Variants in KIAA0319L observed in about 807,000 individuals in gnomAD.
The protein encoded by KIAA0319L is dyslexia-associated protein KIAA0319-like protein.
Under a neutral mutation model 120.1 loss-of-function variants are expected in KIAA0319L, and 55 were observed. The observed-to-expected ratio is 0.46, with a 90% confidence interval of 0.37 to 0.57. The LOEUF is 0.57. Among genes scored for constraint, KIAA0319L ranks in the 20% least tolerant of loss-of-function variants. KIAA0319L has a pLI of 0.00. For synonymous variants in KIAA0319L, 398 were observed against 471.9 expected (o/e 0.84, Z 2.03); for missense variants, 1,049 against 1,255.3 (o/e 0.84, Z 2.48).
At chr1:35,477,518 T>G (rs998785599) in intron 4 of KIAA0319L, among the ~76,000 whole-genome samples, 13 of 151,802 alleles carry the variant, frequency 8.6e-5, no homozygotes, top group Admixed American at 8.5e-4. Flanking sequence ...ATACAAAAAA[T>G]TAGCTGGGCG....
rs751315305 is a variant in KIAA0319L, at chr1:35,448,154, C to T, written c.2513+19G>A. The T allele has an allele frequency of 3.2e-6, 5 of 1,565,788 alleles. No individual in the cohort carries two copies. Among genetic ancestry groups the T allele is most frequent in the Admixed American group, 1.9e-5 (1 of 53,980 alleles). ...GCCCCTGGTCTTTCCTTTGCTCCCC[C>T]CATTCATTGCCCAGCTACCTCTGCT... On this transcript the variant is annotated intron_variant, in intron 16 of 20. Transcript: ENST00000325722.
intron 2 of KIAA0319L, among the ~76,000 whole-genome samples, chr1:35,535,581 T>G (rs1646543185): frequency 6.6e-6 from 1 of 152,156 alleles, no homozygotes; most frequent in Non-Finnish European, 1.5e-5. Context: ...CCCTACAGAG[T>G]TATTAAAGAT....
chr1:35,513,288 A>ATTTTTTTTTT (rs67198806), intron 2 of KIAA0319L, among the ~76,000 whole-genome samples: 1 of 85,338 alleles, frequency 1.2e-5, no homozygotes, highest in African/African-American at 4.3e-5. Flanking sequence ...ATATATATAT[A>ATTTTTTTTTT]TTTTTTTTTT....
At chr1:35,554,600 G>T in intron 1 of KIAA0319L, 81 bp from the exon 2 acceptor site, 2 of 1,043,780 alleles carry the variant, frequency 1.9e-6, no homozygotes, top group Non-Finnish European at 2.7e-6. Context: ...TAGAAAATAT[G>T]ACAGATTAGG....
chr1:35,479,306 GA>G (rs1255457429), intron 3 of KIAA0319L, 94 bp from the exon 4 acceptor site: 2 of 1,011,802 alleles, frequency 2.0e-6, no homozygotes, highest in Non-Finnish European at 2.9e-6. Flanking sequence ...ATGTTCTCTT[GA>G]AAAATGCAAA....
chr1:35,502,867 T>A (rs1342881515), intron 3 of KIAA0319L, among the ~76,000 whole-genome samples: 1 of 152,232 alleles, frequency 6.6e-6, no homozygotes, highest in African/African-American at 2.4e-5. Flanking sequence ...TTTCCTTCTG[T>A]ACAAACTACC....
rs748221769 is a variant in KIAA0319L, at chr1:35,453,556, C to T, written c.1913+1G>A. On this transcript the variant is annotated splice_donor_variant, in intron 12 of 20. Transcript: ENST00000325722. LOFTEE classifies it high-confidence loss of function. This position sits in a 1 kb window ranked among gnomAD's most constrained non-coding sequence, Gnocchi z 4.1. ...AATAAGGATTTTGTGTCAATACTCA[C>T]TGTGTTTTTTCCCAGAGATATGAGA... 6.2e-7 allele frequency: 1 copy of T among 1,614,044 alleles called. No homozygotes were observed. The highest frequency in any genetic ancestry group is 1.1e-5 in the South Asian group (1 of 91,062).
rs547800531 is a variant in KIAA0319L at position 35,504,434 on chromosome 1, G to A, written c.666+2178C>T. Among the ~76,000 whole-genome samples the A allele has an allele frequency of 2.0e-5, 3 of 152,302 alleles. No homozygotes were observed. The South Asian group carries it at 6.2e-4, about 32-fold the overall frequency. Reference sequence around the variant, plus strand: ...AATGGTCTCGATCTCCTGACCTTGTGATCCGCCCGCCTTGGCCTCCCAAAG... The same window carrying A: ...AATGGTCTCGATCTCCTGACCTTGTAATCCGCCCGCCTTGGCCTCCCAAAG... On this transcript the variant is annotated intron_variant, in intron 3 of 20. Coordinates refer to ENST00000325722, the MANE Select transcript of KIAA0319L (RefSeq NM_024874.5).
intron 2 of KIAA0319L, among the ~76,000 whole-genome samples, chr1:35,547,615 C>T (rs978068421): frequency 6.6e-6 from 1 of 152,086 alleles, no homozygotes; most frequent in African/African-American, 2.4e-5. Flanking sequence ...AAATATTATG[C>T]TAAATGAAAT....
intron 3 of KIAA0319L, among the ~76,000 whole-genome samples, chr1:35,499,507 G>A (rs998853812): frequency 6.6e-6 from 1 of 152,136 alleles, no homozygotes; most frequent in Non-Finnish European, 1.5e-5. Context: ...CCAGAACAGT[G>A]AGAAATAAAT....
rs374864740 is a variant in KIAA0319L, at chr1:35,457,958, C to T, written c.1428-1717G>A. On this transcript the variant is annotated intron_variant, in intron 9 of 20. Transcript: ENST00000325722. ...TTTTTGTTTTGTTTTTTTTCTGAGA[C>T]GGAGTCTCGCTCTGTCGCCCAGGCT... 3.5e-3 allele frequency among the ~76,000 whole-genome samples: 531 copies of T among 152,178 alleles called. 2 individuals are homozygous for T. The highest frequency in any genetic ancestry group is 4.8e-3 in the Non-Finnish European group (326 of 68,004).
intron 3 of KIAA0319L, among the ~76,000 whole-genome samples, chr1:35,490,864 G>A (rs1411511528): frequency 6.6e-6 from 1 of 152,158 alleles, no homozygotes; most frequent in East Asian, 1.9e-4. Context: ...GAGTTCTCAT[G>A]AGATCTGATG....
At chr1:35,494,454 A>G (rs1394807830) in intron 3 of KIAA0319L, among the ~76,000 whole-genome samples, 1 of 152,066 alleles carries the variant, frequency 6.6e-6, no homozygotes, top group Non-Finnish European at 1.5e-5. Flanking sequence ...GTCTCAAAAA[A>G]TAAATAAATA....
intron 3 of KIAA0319L, among the ~76,000 whole-genome samples, chr1:35,488,327 T>G (rs1210362414): frequency 6.6e-6 from 1 of 152,186 alleles, no homozygotes; most frequent in Non-Finnish European, 1.5e-5. Flanking sequence ...TTTTAAAATA[T>G]TAAGAATCTA....
intron 20 of KIAA0319L, 41 bp downstream of exon 20, chr1:35,441,006 G>T (rs763833992): frequency 6.8e-7 from 1 of 1,464,442 alleles, no homozygotes; most frequent in South Asian, 1.1e-5. Context: ...TCCACAGAGA[G>T]AGTGCACAGA....
chr1:35,513,971 C>T (rs1378644946), intron 2 of KIAA0319L, among the ~76,000 whole-genome samples: 1 of 152,120 alleles, frequency 6.6e-6, no homozygotes, highest in East Asian at 1.9e-4. Context: ...TAGTTCAATT[C>T]CCATCTAGAG....
chr1:35,463,896 T>C (rs1444390096), intron 7 of KIAA0319L, among the ~76,000 whole-genome samples: 1 of 152,124 alleles, frequency 6.6e-6, no homozygotes, highest in Non-Finnish European at 1.5e-5. Context: ...CAAGATCTGA[T>C]GGTGTTAAAA....
intron 4 of KIAA0319L, 23 bp downstream of exon 4, chr1:35,478,943 T>C: frequency 6.2e-7 from 1 of 1,608,560 alleles, no homozygotes; most frequent in Non-Finnish European, 8.5e-7. Context: ...TTTCCTTCTA[T>C]CTCCAAGAGC....
intron 3 of KIAA0319L, among the ~76,000 whole-genome samples, chr1:35,492,306 G>A (rs1644626398): frequency 6.6e-6 from 1 of 151,964 alleles, no homozygotes; most frequent in Non-Finnish European, 1.5e-5. Flanking sequence ...ACAAGGTCAG[G>A]AGTTCAAGAC....
Sources: allele counts gnomAD v4.1 joint callset (sites outside exome capture counted in the v4.1 genomes callset), GRCh38; gene constraint gnomAD v4.1.1; non-coding constraint Gnocchi (gnomAD v3.1); transcripts MANE v1.5; gene names NCBI Gene and HGNC (gene_info 2026-07-23, HGNC 2026-07-21).